Variants in SGCZ observed in about 807,000 individuals in gnomAD.
SGCZ encodes sarcoglycan zeta, also known as zeta-sarcoglycan.
In SGCZ, 40 loss-of-function variants were observed where a neutral mutation model predicts 41.3. The ratio of observed to expected loss-of-function variants is 0.97; its 90% confidence interval spans 0.75 to 1.26. The LOEUF (loss-of-function observed/expected upper bound fraction) is 1.26, where lower values mean the gene tolerates loss of function less well. Among genes scored for constraint, SGCZ ranks in the 50% most tolerant of loss-of-function variants. SGCZ has a pLI of 0.00. For missense variants in SGCZ, 552 were observed against 369.8 expected, an observed-to-expected ratio of 1.49 and a Z score of -4.04; for synonymous variants, 206 against 137.5, an observed-to-expected ratio of 1.50 and a Z score of -3.49.
At chr8:14,921,029 G>C (rs562502380) in intron 1 of SGCZ, among the ~76,000 whole-genome samples, 1 of 152,270 alleles carries the variant, frequency 6.6e-6, no homozygotes, top group African/African-American at 2.4e-5. Context: ...AATAGTGTTG[G>C]ATTTAGGGTA....
intron 1 of SGCZ, among the ~76,000 whole-genome samples, chr8:14,768,067 T>A (rs1377196286): frequency 1.3e-5 from 2 of 152,200 alleles, no homozygotes. Context: ...AGGATTTTAG[T>A]CCAATGCATA....
At chr8:14,640,141 G>A (rs188244506) in intron 1 of SGCZ, among the ~76,000 whole-genome samples, 1 of 151,452 alleles carries the variant, frequency 6.6e-6, no homozygotes, top group Non-Finnish European at 1.5e-5. Context: ...TAAATTTAAG[G>A]CAAGATATTA....
At chr8:14,267,151 T>C (rs1375940297) in intron 3 of SGCZ, among the ~76,000 whole-genome samples, 2 of 152,092 alleles carry the variant, frequency 1.3e-5, no homozygotes, top group African/African-American at 4.8e-5. Context: ...ATAAGAGTTA[T>C]TATTATTATT....
At chr8:14,421,167 C>A (rs1314063314) in intron 2 of SGCZ, among the ~76,000 whole-genome samples, 1 of 152,022 alleles carries the variant, frequency 6.6e-6, no homozygotes, top group Non-Finnish European at 1.5e-5. Flanking sequence ...TATGACCAGT[C>A]TAACATTCTT....
At chr8:14,722,533 T>C (rs1264584975) in intron 1 of SGCZ, among the ~76,000 whole-genome samples, 1 of 152,088 alleles carries the variant, frequency 6.6e-6, no homozygotes, top group Non-Finnish European at 1.5e-5. Flanking sequence ...ACACAATATA[T>C]GTATTTATAT....
chr8:14,658,603 C>A (rs1807649952), intron 1 of SGCZ, among the ~76,000 whole-genome samples: 1 of 152,134 alleles, frequency 6.6e-6, no homozygotes. Context: ...TATACCAGAT[C>A]TCTTGAGTCC....
intron 2 of SGCZ, among the ~76,000 whole-genome samples, chr8:14,553,925 T>C (rs1803953063): frequency 6.6e-6 from 1 of 152,006 alleles, no homozygotes; most frequent in Admixed American, 6.6e-5. Context: ...TGGAGATATC[T>C]GAGGTCCCCA....
At chr8:14,806,996 A>G (rs1302790582) in intron 1 of SGCZ, among the ~76,000 whole-genome samples, 1 of 152,036 alleles carries the variant, frequency 6.6e-6, no homozygotes, top group Non-Finnish European at 1.5e-5. Context: ...GATTATCTCA[A>G]TAGATGCAGA....
chr8:14,453,793 G>C (rs1169811948), intron 2 of SGCZ, among the ~76,000 whole-genome samples: 5 of 152,232 alleles, frequency 3.3e-5, no homozygotes, highest in Non-Finnish European at 4.4e-5. Flanking sequence ...CTTTGCAATG[G>C]TTTTCTAAAT....
chr8:15,087,212 A>G (rs1466157333), intron 1 of SGCZ, among the ~76,000 whole-genome samples: 2 of 152,172 alleles, frequency 1.3e-5, no homozygotes, highest in East Asian at 3.9e-4. Context: ...TTGTCAACTC[A>G]TGTCACTCTG....
intron 1 of SGCZ, among the ~76,000 whole-genome samples, chr8:14,985,008 C>T (rs1015027733): frequency 1.3e-5 from 2 of 152,028 alleles, no homozygotes; most frequent in South Asian, 2.1e-4. Context: ...AAAAATATCA[C>T]GATGCTTTAT....
intron 5 of SGCZ, chr8:14,161,356 G>A (rs1804040058): frequency 6.6e-6 from 1 of 152,096 alleles, no homozygotes; most frequent in Non-Finnish European, 1.5e-5. Flanking sequence ...TTCTGGTAAG[G>A]AGTAAAGTCC....
intron 1 of SGCZ, among the ~76,000 whole-genome samples, chr8:14,663,496 A>G (rs999171587): frequency 6.6e-6 from 1 of 152,086 alleles, no homozygotes; most frequent in African/African-American, 2.4e-5. Context: ...TGTGATTTTC[A>G]GGTGAGTTGT....
chr8:15,220,196 T>C (rs540096594), intron 1 of SGCZ, among the ~76,000 whole-genome samples: 10 of 152,310 alleles, frequency 6.6e-5, no homozygotes, highest in African/African-American at 2.4e-4. Flanking sequence ...CCAAAAGTTT[T>C]TGAGGTCATT....
At chr8:15,012,812 C>T (rs117955720) in intron 1 of SGCZ, among the ~76,000 whole-genome samples, 3,856 of 148,756 alleles carry the variant, frequency 0.026, 67 homozygotes, top group Middle Eastern at 0.069. Flanking sequence ...TATATATATA[C>T]GTATACAAGA....
chr8:14,957,997 C>T (rs184424142), intron 1 of SGCZ, among the ~76,000 whole-genome samples: 1 of 151,900 alleles, frequency 6.6e-6, no homozygotes, highest in African/African-American at 2.4e-5. Context: ...TCCTACAGTA[C>T]TTGAAAGAAA....
chr8:14,755,009 C>T (rs1307883330), intron 1 of SGCZ, among the ~76,000 whole-genome samples: 1 of 152,190 alleles, frequency 6.6e-6, no homozygotes. Flanking sequence ...GGATTACAGG[C>T]ATCAGACACT....
intron 1 of SGCZ, among the ~76,000 whole-genome samples, chr8:14,714,216 C>T (rs1809614920): frequency 6.6e-6 from 1 of 152,098 alleles, no homozygotes; most frequent in African/African-American, 2.4e-5. Flanking sequence ...ATCTGCCCGT[C>T]TCGGCCTCCC....
At position 14,699,667 on chromosome 8, in the gene SGCZ, G is replaced by C. The variant is rs186994195; in HGVS notation, c.40-144741C>G. Among the ~76,000 whole-genome samples the C allele has an allele frequency of 4.6e-5, 7 of 151,956 alleles. No individual in the cohort carries two copies. In the East Asian group the frequency reaches 9.7e-4, roughly 21 times the overall value. ...TGCACAGCAAAAGCAACCATCAGGA[G>C]AGTAAAGATACAACCTACAGAATGG... On this transcript the variant is annotated intron_variant, in intron 1 of 7. Coordinates refer to ENST00000382080, the MANE Select transcript of SGCZ (RefSeq NM_139167.4).
Sources: allele counts gnomAD v4.1 joint callset (sites outside exome capture counted in the v4.1 genomes callset), GRCh38; gene constraint gnomAD v4.1.1; transcripts MANE v1.5; gene names NCBI Gene and HGNC (gene_info 2026-07-23, HGNC 2026-07-21).